ROBO2: variants seen among roughly 807,000 people sequenced by gnomAD.
ROBO2 encodes roundabout guidance receptor 2, also known as roundabout homolog 2.
In ROBO2, 53 loss-of-function variants were observed where a neutral mutation model predicts 160.8. That is an observed-to-expected ratio of 0.33 (90% confidence interval 0.26 to 0.41). The LOEUF (loss-of-function observed/expected upper bound fraction) is 0.41, where lower values mean the gene tolerates loss of function less well. ROBO2 is among the 10% of genes least tolerant of loss of function. ROBO2 has a pLI of 1.00. For missense variants in ROBO2, 1,577 were observed against 1,722.4 expected (o/e 0.92, Z 1.49); for synonymous variants, 664 against 611.7 (o/e 1.09, Z -1.26).
intron 2 of ROBO2, among the ~76,000 whole-genome samples, chr3:76,462,624 A>T (rs1268208123): frequency 6.6e-6 from 1 of 152,122 alleles, no homozygotes; most frequent in African/African-American, 2.4e-5. Context: ...AAAAAAAAGA[A>T]TAAGATACAC....
intron 2 of ROBO2, among the ~76,000 whole-genome samples, chr3:76,188,689 T>C (rs936388546): frequency 6.6e-6 from 1 of 152,108 alleles, no homozygotes; most frequent in Admixed American, 6.6e-5. Flanking sequence ...TTACCTTTTA[T>C]GATTTATTTT....
At chr3:77,358,974 T>G (rs2153464871) in intron 2 of ROBO2, among the ~76,000 whole-genome samples, 1 of 152,322 alleles carries the variant, frequency 6.6e-6, no homozygotes, top group African/African-American at 2.4e-5. Flanking sequence ...ATTTAGTTGT[T>G]CTGTTTGGTT....
chr3:76,782,674 T>G (rs1384592602), intron 2 of ROBO2, among the ~76,000 whole-genome samples: 1 of 150,762 alleles, frequency 6.6e-6, no homozygotes, highest in African/African-American at 2.4e-5. Context: ...AAAATCTACT[T>G]CATCTCATAT....
In ROBO2 at chr3:77,254,110, A is replaced by G. The variant is rs545006904; in HGVS notation, c.388+155770A>G. Among the ~76,000 whole-genome samples the G allele has an allele frequency of 6.6e-5, 10 of 152,324 alleles. No homozygotes were observed. In the South Asian group the frequency reaches 1.7e-3, roughly 25 times the overall value. ...CGAGACCCTATCTCTACAAAAATAA[A>G]TAAATATGTAAATTAGCCAGGTATG... On this transcript the variant is annotated intron_variant, in intron 2 of 25. Coordinates refer to ENST00000461745, the Ensembl canonical transcript of ROBO2.
intron 4 of ROBO2, 139 bp from the exon 5 acceptor site, chr3:77,493,105 A>G: frequency 1.2e-6 from 1 of 807,218 alleles, no homozygotes; most frequent in Non-Finnish European, 2.1e-6. Flanking sequence ...ACAAGGCCTT[A>G]TTAAAACACA....
intron 2 of ROBO2, among the ~76,000 whole-genome samples, chr3:77,204,967 G>A (rs531799831): frequency 1.0e-3 from 155 of 152,340 alleles, no homozygotes; most frequent in African/African-American, 3.6e-3. Context: ...TCAGACCCCT[G>A]ACGGGAGGGG....
chr3:77,026,157 T>C (rs1319551341), intron 2 of ROBO2, among the ~76,000 whole-genome samples: 2 of 152,200 alleles, frequency 1.3e-5, no homozygotes, highest in East Asian at 1.9e-4. Context: ...TTTTTAATGA[T>C]ATAACTCCAA....
intron 2 of ROBO2, among the ~76,000 whole-genome samples, chr3:77,007,644 A>G (rs2061651038): frequency 6.6e-6 from 1 of 152,102 alleles, no homozygotes; most frequent in East Asian, 1.9e-4. Flanking sequence ...ATAGCATAGC[A>G]TCCTATACTA....
intron 2 of ROBO2, among the ~76,000 whole-genome samples, chr3:75,954,556 C>T (rs533404467): frequency 1.2e-4 from 18 of 151,836 alleles, no homozygotes; most frequent in Admixed American, 7.2e-4. Context: ...ACGTTATGTC[C>T]CCACCCCTAA....
chr3:76,639,469 C>A (rs1052020366), intron 2 of ROBO2, among the ~76,000 whole-genome samples: 3 of 140,660 alleles, frequency 2.1e-5, no homozygotes, highest in Non-Finnish European at 3.1e-5. Flanking sequence ...CTCTCTCACA[C>A]ACACACACAC....
exon 9 of ROBO2, chr3:77,558,103 G>C: frequency 5.6e-6 from 9 of 1,613,128 alleles, no homozygotes; most frequent in Non-Finnish European, 5.9e-6. Flanking sequence ...AGAGATCCAA[G>C]AGCAACAATT....
At chr3:76,947,315 AT>A (rs934664935) in intron 2 of ROBO2, among the ~76,000 whole-genome samples, 4 of 152,070 alleles carry the variant, frequency 2.6e-5, no homozygotes, top group East Asian at 3.8e-4. Flanking sequence ...CCAGAATGTT[AT>A]TTTTTTCTAA....
intron 24 of ROBO2, among the ~76,000 whole-genome samples, chr3:77,635,993 G>A (rs962024889): frequency 5.3e-5 from 8 of 152,138 alleles, no homozygotes; most frequent in Admixed American, 4.6e-4. Context: ...CCTTTTCATT[G>A]TATGATCACA....
intron 2 of ROBO2, among the ~76,000 whole-genome samples, chr3:76,525,577 C>T (rs1242084402): frequency 3.3e-5 from 5 of 151,928 alleles, no homozygotes; most frequent in Admixed American, 6.6e-5. Context: ...CTTTCTGAGT[C>T]ACTTGAAATG....
At chr3:76,734,052 A>T (rs1013913098) in intron 2 of ROBO2, among the ~76,000 whole-genome samples, 1 of 152,158 alleles carries the variant, frequency 6.6e-6, no homozygotes, top group Non-Finnish European at 1.5e-5. Flanking sequence ...AATCCCATTC[A>T]TGAGGGCCTC....
At chr3:77,272,639 T>A (rs1429157934) in intron 2 of ROBO2, among the ~76,000 whole-genome samples, 1 of 152,074 alleles carries the variant, frequency 6.6e-6, no homozygotes, top group Non-Finnish European at 1.5e-5. Context: ...TGGGGAAAGA[T>A]TTATAAATGT....
intron 2 of ROBO2, among the ~76,000 whole-genome samples, chr3:77,285,892 TAATGCCCTATATAATACCA>T (rs1226454468): frequency 1.3e-5 from 2 of 152,142 alleles, no homozygotes; most frequent in Non-Finnish European, 2.9e-5. Context: ...TTTGAAAAGA[TAATGCCCTATATAATACCA>T]AATGCCCTAT....
intron 22 of ROBO2, among the ~76,000 whole-genome samples, chr3:77,618,487 C>T (rs2094830195): frequency 6.6e-6 from 1 of 152,086 alleles, no homozygotes; most frequent in African/African-American, 2.4e-5. Context: ...TTTTGTTATT[C>T]AATCTTTCTA....
chr3:76,457,812 G>A (rs2077854598), intron 2 of ROBO2, among the ~76,000 whole-genome samples: 1 of 152,190 alleles, frequency 6.6e-6, no homozygotes, highest in African/African-American at 2.4e-5. Context: ...CCACATGGAA[G>A]TTGCCAAGGC....
Sources: gnomAD v4.1 joint callset for allele counts (sites outside exome capture counted in the v4.1 genomes callset) on GRCh38, gnomAD v4.1.1 for gene constraint, MANE v1.5 for transcripts, NCBI Gene and HGNC (gene_info 2026-07-23, HGNC 2026-07-21) for gene names.